Variants in RAB3IP observed in about 807,000 individuals in gnomAD.
RAB3IP encodes rab-3A-interacting protein.
A neutral mutation model predicts 59.1 loss-of-function variants in RAB3IP; 36 were observed. The ratio of observed to expected loss-of-function variants is 0.61; its 90% CI spans 0.47 to 0.80. The LOEUF is 0.80. RAB3IP is among the 30% of genes least tolerant of loss of function. RAB3IP has a pLI of 0.00. For synonymous variants in RAB3IP, 207 were observed against 191.2 expected (o/e 1.08, Z -0.68); for missense variants, 511 against 536.0 (o/e 0.95, Z 0.46).
intron 1 of RAB3IP, among the ~76,000 whole-genome samples, chr12:69,754,090 A>AGG (rs1472000252): frequency 6.6e-6 from 1 of 152,114 alleles, no homozygotes; most frequent in African/African-American, 2.4e-5. Flanking sequence ...AGGACAAGGG[A>AGG]GGGGCTAGTG....
At chr12:69,763,856 A>G (rs971105828) in intron 3 of RAB3IP, among the ~76,000 whole-genome samples, 3 of 152,176 alleles carry the variant, frequency 2.0e-5, no homozygotes, top group South Asian at 2.1e-4. Context: ...AAAAAATGCA[A>G]TACTTGGTGT....
chr12:69,808,869 T>C (rs1879918483), intron 8 of RAB3IP, among the ~76,000 whole-genome samples: 1 of 152,166 alleles, frequency 6.6e-6, no homozygotes. Context: ...CCAGTCTGTG[T>C]CTTTTAATTG....
intron 1 of RAB3IP, among the ~76,000 whole-genome samples, chr12:69,744,617 A>C (rs1887664883): frequency 6.6e-6 from 1 of 151,548 alleles, no homozygotes; most frequent in Non-Finnish European, 1.5e-5. Context: ...CCAGCTATTC[A>C]GGAGACAGAT....
chr12:69,761,155 ACTC>A (rs1170909602), intron 3 of RAB3IP, among the ~76,000 whole-genome samples: 1 of 151,476 alleles, frequency 6.6e-6, no homozygotes, highest in Non-Finnish European at 1.5e-5. Context: ...CAAAGTCACT[ACTC>A]TTTTCTTCTG....
At chr12:69,741,508 C>T (rs1887342752) in intron 1 of RAB3IP, among the ~76,000 whole-genome samples, 1 of 152,150 alleles carries the variant, frequency 6.6e-6, no homozygotes, top group South Asian at 2.1e-4. Context: ...TTAAAAATAT[C>T]CAAGTTTTCT....
intron 4 of RAB3IP, among the ~76,000 whole-genome samples, chr12:69,792,482 A>G (rs147278827): frequency 0.011 from 1,639 of 152,312 alleles, 27 homozygotes; most frequent in African/African-American, 0.037. Flanking sequence ...ATATGTATAC[A>G]TAGTGTTTGA....
intron 3 of RAB3IP, among the ~76,000 whole-genome samples, chr12:69,783,379 T>C (rs1038514368): frequency 3.3e-5 from 5 of 152,370 alleles, no homozygotes; most frequent in Admixed American, 6.5e-5. Context: ...TTCTGTCAAC[T>C]GTTTCCTTTG....
At chr12:69,815,028 A>G (rs1026188105) in intron 10 of RAB3IP, among the ~76,000 whole-genome samples, 2 of 152,206 alleles carry the variant, frequency 1.3e-5, no homozygotes, top group Non-Finnish European at 2.9e-5. Context: ...AAGTTAGAGA[A>G]TAGCTCGAAT....
chr12:69,762,589 C>G (rs1037545455), intron 3 of RAB3IP, among the ~76,000 whole-genome samples: 6 of 151,808 alleles, frequency 4.0e-5, no homozygotes, highest in Non-Finnish European at 8.8e-5. Context: ...AACCGCTTCT[C>G]TACTAAAAAT....
In RAB3IP at chr12:69,813,016, T is replaced by C. The variant is rs1489011521; in HGVS notation, c.1283T>C (p.Leu428Pro). The change falls in exon 10 of 11, where the codon CTC (leucine) becomes CCC (proline). Residue 428 changes from leucine (L) to proline (P), a missense_variant. Transcript: ENST00000247833. ...FTYIRYIQQGLVKQQDVDQMF... is the reference protein window; with the variant it reads ...FTYIRYIQQGPVKQQDVDQMF... The stretch of plus-strand genomic sequence containing the variant: ...TACATTCGATACATTCAGCAGGGAC[T>C]CGTGAAACAGCAGGATGGTGAGTGT... 1 of 1,612,262 alleles carries C rather than the reference T, an allele frequency of 6.2e-7. No homozygotes were observed. Among genetic ancestry groups the C allele is most frequent in the Admixed American group, 1.7e-5 (1 of 59,910 alleles).
chr12:69,806,570 G>T (rs1443360580), intron 8 of RAB3IP, among the ~76,000 whole-genome samples: 14 of 68,472 alleles, frequency 2.0e-4, no homozygotes, highest in South Asian at 1.1e-3. Context: ...TGCTTCTCTA[G>T]TTTTTTTTTT....
chr12:69,754,022 A>G (rs963191502), intron 1 of RAB3IP, among the ~76,000 whole-genome samples: 13 of 152,202 alleles, frequency 8.5e-5, no homozygotes, highest in African/African-American at 2.9e-4. Context: ...TATGTCAGGT[A>G]CATAGTACTC....
chr12:69,799,053 G>A (rs1877968793), intron 6 of RAB3IP, among the ~76,000 whole-genome samples: 1 of 152,128 alleles, frequency 6.6e-6, no homozygotes, highest in African/African-American at 2.4e-5. Context: ...TGTAAGTATT[G>A]CTTATATGCT....
At chr12:69,812,094 T>G (rs1032653031) in intron 8 of RAB3IP, 3 of 152,236 alleles carry the variant, frequency 2.0e-5, no homozygotes, top group African/African-American at 7.2e-5. Context: ...TCATTGAATG[T>G]GTGCTGTGTG....
chr12:69,792,887 G>T (rs985026132), intron 4 of RAB3IP, among the ~76,000 whole-genome samples: 2 of 152,160 alleles, frequency 1.3e-5, no homozygotes, highest in Non-Finnish European at 2.9e-5. Context: ...TCCGTTGGAG[G>T]TTTGGTACAA....
intron 5 of RAB3IP, among the ~76,000 whole-genome samples, 182 bp from the exon 6 acceptor site, chr12:69,794,959 T>G (rs1373119700): frequency 6.6e-6 from 1 of 152,234 alleles, no homozygotes; most frequent in Non-Finnish European, 1.5e-5. Context: ...TAATAATAGA[T>G]GAATCCAAAC....
Position 69,806,047 on chromosome 12 carries a change from T to G in RAB3IP, c.1130+4326T>G, listed in dbSNP as rs545041926. On this transcript the variant is annotated intron_variant, in intron 8 of 10. Coordinates refer to ENST00000247833, the MANE Select transcript of RAB3IP (RefSeq NM_022456.5). ...AGGGAGGATTCCCTCTTTTTCTATT[T>G]ATTGGAATAGTTTCAGAAGGAATGG... Among the ~76,000 whole-genome samples, 226 of 152,306 alleles carry G rather than the reference T, an allele frequency of 1.5e-3. 1 individual carries two copies. Among genetic ancestry groups the G allele is most frequent in the South Asian group, 0.01 (50 of 4,826 alleles).
intron 1 of RAB3IP, among the ~76,000 whole-genome samples, chr12:69,747,272 A>G (rs1868446175): frequency 6.6e-6 from 1 of 151,332 alleles, no homozygotes; most frequent in Non-Finnish European, 1.5e-5. Context: ...AGATAGGTAC[A>G]GTTTTCTCCC....
At chr12:69,806,722 T>A (rs564078619) in intron 8 of RAB3IP, among the ~76,000 whole-genome samples, 5 of 152,138 alleles carry the variant, frequency 3.3e-5, no homozygotes, top group Admixed American at 6.5e-5. Flanking sequence ...CAGAGGTCCC[T>A]GTGGCCTTCC....
Sources: allele counts gnomAD v4.1 joint callset (sites outside exome capture counted in the v4.1 genomes callset), GRCh38; gene constraint gnomAD v4.1.1; transcripts MANE v1.5; gene names NCBI Gene and HGNC (gene_info 2026-07-23, HGNC 2026-07-21).